The following FSHR variants were observed in gnomAD, a reference collection of about 807,000 sequenced individuals.
FSHR encodes follicle stimulating hormone receptor.
In FSHR, 46 loss-of-function variants were observed where a neutral mutation model predicts 52.1. The observed-to-expected ratio is 0.88, with a 90% CI of 0.70 to 1.13. The LOEUF (loss-of-function observed/expected upper bound fraction) is 1.13, where lower values mean the gene tolerates loss of function less well. Among genes scored for constraint, FSHR ranks in the 50% most tolerant of loss-of-function variants. The pLI is 0.00. For synonymous variants in FSHR, 399 were observed against 309.6 expected (o/e 1.29, Z -3.03); for missense variants, 964 against 834.6 (o/e 1.16, Z -1.91).
intron 4 of FSHR, among the ~76,000 whole-genome samples, chr2:48,996,709 G>A (rs1012875439): frequency 6.6e-6 from 1 of 152,090 alleles, no homozygotes; most frequent in South Asian, 2.1e-4. Flanking sequence ...AGAATGCAGA[G>A]TCATTCAACC....
intron 6 of FSHR, among the ~76,000 whole-genome samples, chr2:48,987,294 C>T (rs1487638917): frequency 6.6e-6 from 1 of 152,038 alleles, no homozygotes; most frequent in African/African-American, 2.4e-5. Context: ...AACTCTGCCT[C>T]CCGGGTTCAA....
intron 2 of FSHR, among the ~76,000 whole-genome samples, chr2:49,046,334 A>G (rs1339758221): frequency 2.0e-5 from 3 of 152,176 alleles, no homozygotes; most frequent in Non-Finnish European, 2.9e-5. Context: ...TATCTGGGCT[A>G]CACTTTTGCA....
At chr2:48,981,728 A>G (rs567897360) in intron 8 of FSHR, among the ~76,000 whole-genome samples, 3 of 152,328 alleles carry the variant, frequency 2.0e-5, no homozygotes, top group South Asian at 4.1e-4. Context: ...TCTCCATACC[A>G]AGTCTAATTC....
At chr2:49,037,845 G>C (rs1175543161) in intron 2 of FSHR, among the ~76,000 whole-genome samples, 1 of 152,104 alleles carries the variant, frequency 6.6e-6, no homozygotes, top group Admixed American at 6.5e-5. Context: ...AAGAGAAAAT[G>C]ATGAAAGAGG....
At chr2:48,987,381 T>TAA (rs1463218780) in intron 6 of FSHR, among the ~76,000 whole-genome samples, 1 of 151,382 alleles carries the variant, frequency 6.6e-6, no homozygotes, top group Admixed American at 6.6e-5. Flanking sequence ...TTTTTTTTTT[T>TAA]TATATATTTT....
At chr2:49,126,756 C>T (rs750682164) in intron 1 of FSHR, among the ~76,000 whole-genome samples, 7 of 152,194 alleles carry the variant, frequency 4.6e-5, no homozygotes, top group Admixed American at 6.5e-5. Flanking sequence ...ATGTGCTCTT[C>T]GTACTGCAAC....
chr2:48,985,690 A>T (rs11125189), intron 6 of FSHR, among the ~76,000 whole-genome samples: 98,000 of 129,446 alleles, frequency 0.76, 37,766 homozygotes, highest in Non-Finnish European at 0.78. Flanking sequence ...CAGGGGAGCA[A>T]GTACAGGTTT....
At chr2:48,978,413 G>A (rs989734375) in intron 8 of FSHR, among the ~76,000 whole-genome samples, 2 of 152,218 alleles carry the variant, frequency 1.3e-5, no homozygotes, top group African/African-American at 4.8e-5. Context: ...ATAGGACTGT[G>A]GGTACACTGG....
chr2:49,123,834 CA>C (rs975639464), intron 1 of FSHR, among the ~76,000 whole-genome samples: 13 of 152,022 alleles, frequency 8.6e-5, no homozygotes, highest in Non-Finnish European at 1.3e-4. Flanking sequence ...TAGTTATCAT[CA>C]GGGGAGGGAG....
chr2:49,033,154 G>T (rs1036816315), intron 2 of FSHR, among the ~76,000 whole-genome samples: 1 of 152,158 alleles, frequency 6.6e-6, no homozygotes, highest in Non-Finnish European at 1.5e-5. Flanking sequence ...GACTGCAATT[G>T]CTGACAATCA....
chr2:49,127,705 T>C (rs1672057510), intron 1 of FSHR, among the ~76,000 whole-genome samples: 1 of 152,124 alleles, frequency 6.6e-6, no homozygotes. Flanking sequence ...CTAAGACTTG[T>C]GTATCTCTTG....
rs374131668 is a variant in FSHR, at chr2:49,003,904, G to T, written c.375-13267C>A. Among the ~76,000 whole-genome samples the T allele has an allele frequency of 2.8e-4, 43 of 152,092 alleles. No homozygotes were observed. In the South Asian group the frequency reaches 8.3e-3, roughly 29 times the overall value. On this transcript the variant is annotated intron_variant, in intron 4 of 9. Transcript: ENST00000406846. ...TCCTCTGGCCCATCCCCATGGAGAT[G>T]GGTAGCTCTCAATGTGTGGCCTGTC...
At chr2:49,147,698 G>A (rs1480189530) in intron 1 of FSHR, among the ~76,000 whole-genome samples, 1 of 151,670 alleles carries the variant, frequency 6.6e-6, no homozygotes, top group Non-Finnish European at 1.5e-5. Flanking sequence ...CTCTTTCAAG[G>A]TACTGCATTC....
intron 1 of FSHR, among the ~76,000 whole-genome samples, chr2:49,138,496 C>A (rs909622052): frequency 1.3e-5 from 2 of 152,106 alleles, no homozygotes; most frequent in Non-Finnish European, 2.9e-5. Flanking sequence ...TGTGGCATAT[C>A]CATACAATTA....
At chr2:49,007,229 T>C (rs142121499) in intron 4 of FSHR, among the ~76,000 whole-genome samples, 147 of 152,210 alleles carry the variant, frequency 9.7e-4, no homozygotes, top group African/African-American at 3.4e-3. Context: ...AGTATAAGAA[T>C]GATTCATTGT....
intron 2 of FSHR, among the ~76,000 whole-genome samples, chr2:49,056,183 CAT>C (rs1235779357): frequency 4.6e-5 from 7 of 151,760 alleles, no homozygotes; most frequent in Admixed American, 4.6e-4. Flanking sequence ...CCATTTAAAA[CAT>C]ATAGACTGGT....
chr2:49,141,878 A>G (rs557147105), intron 1 of FSHR, among the ~76,000 whole-genome samples: 10 of 152,150 alleles, frequency 6.6e-5, no homozygotes, highest in African/African-American at 2.4e-4. Context: ...GGTATATAAG[A>G]GATGTCAATT....
rs143003945 is a variant in FSHR at position 49,116,400 on chromosome 2, G to A, written c.152+37866C>T. ...GCAAGGGGGTAAGGTGGAGGATGTG[G>A]GCTTCAGCCTTAGGCAGATGAGAGT... On this transcript the variant is annotated intron_variant, in intron 1 of 9. Coordinates refer to ENST00000406846, the MANE Select transcript of FSHR (RefSeq NM_000145.4). 5.4e-3 allele frequency among the ~76,000 whole-genome samples: 815 copies of A among 152,236 alleles called. 7 individuals are homozygous for A. The highest frequency in any genetic ancestry group is 0.018 in the African/African-American group (736 of 41,538).
intron 2 of FSHR, among the ~76,000 whole-genome samples, chr2:49,027,756 A>T (rs1051071083): frequency 6.6e-6 from 1 of 150,820 alleles, no homozygotes; most frequent in Non-Finnish European, 1.5e-5. Flanking sequence ...AGGCTGAGGC[A>T]TTAGAATCAC....
Sources: allele counts gnomAD v4.1 joint callset (sites outside exome capture counted in the v4.1 genomes callset), GRCh38; gene constraint gnomAD v4.1.1; transcripts MANE v1.5; gene names NCBI Gene and HGNC (gene_info 2026-07-23, HGNC 2026-07-21).